Variants in ATXN10 observed in about 807,000 individuals in gnomAD.
ATXN10 encodes the protein ataxin-10.
Under a neutral mutation model 52.9 loss-of-function variants are expected in ATXN10, and 28 were observed. The ratio of observed to expected loss-of-function variants is 0.53; its 90% CI spans 0.39 to 0.73. ATXN10 has a LOEUF of 0.73. ATXN10 is among the 30% of genes least tolerant of loss of function. ATXN10 has a pLI of 0.00. For synonymous variants in ATXN10, 226 were observed against 221.5 expected, an observed-to-expected ratio of 1.02 and a Z score of -0.18; for missense variants, 565 against 577.0, an observed-to-expected ratio of 0.98 and a Z score of 0.21.
At chr22:45,700,004 G>A (rs370503828) in intron 3 of ATXN10, among the ~76,000 whole-genome samples, 2 of 151,838 alleles carry the variant, frequency 1.3e-5, no homozygotes, top group African/African-American at 4.8e-5. Flanking sequence ...TAGAGATGGG[G>A]TTTTGACATA....
intron 9 of ATXN10, among the ~76,000 whole-genome samples, chr22:45,764,434 A>G (rs996229186): frequency 6.6e-6 from 1 of 151,796 alleles, no homozygotes; most frequent in African/African-American, 2.4e-5. Context: ...TTGAGTCTCA[A>G]CTCTCAAAAG....
At chr22:45,706,580 T>C (rs1298101732) in intron 5 of ATXN10, among the ~76,000 whole-genome samples, 1 of 152,248 alleles carries the variant, frequency 6.6e-6, no homozygotes, top group Non-Finnish European at 1.5e-5. Flanking sequence ...TCCCATAATT[T>C]AGGATTCTGT....
rs905884909 is a variant in ATXN10, at chr22:45,823,879, G to C, written c.1237+16857G>C. ...TGGGCACACCCCCTGCTAGGCTTGGGGGCAGGCACTCAGGTCACCTGGGAG... is the reference window on the plus strand; with the variant it reads ...TGGGCACACCCCCTGCTAGGCTTGGCGGCAGGCACTCAGGTCACCTGGGAG... On this transcript the variant is annotated intron_variant, in intron 10 of 11. Coordinates refer to ENST00000252934, the MANE Select transcript of ATXN10 (RefSeq NM_013236.4). The surrounding 1 kb of genome is among the most constrained non-coding windows in gnomAD (Gnocchi z 4.9). 6.6e-6 allele frequency among the ~76,000 whole-genome samples: 1 copy of C among 152,204 alleles called. No homozygotes were observed. The highest frequency in any genetic ancestry group is 2.4e-5 in the African/African-American group (1 of 41,450).
At chr22:45,807,979 A>G (rs1018974040) in intron 10 of ATXN10, among the ~76,000 whole-genome samples, 1 of 152,254 alleles carries the variant, frequency 6.6e-6, no homozygotes, top group African/African-American at 2.4e-5. Flanking sequence ...CAAAGTAAGT[A>G]GACTGAGCGA....
At chr22:45,687,969 A>G (rs1204641511) in intron 1 of ATXN10, among the ~76,000 whole-genome samples, 1 of 152,176 alleles carries the variant, frequency 6.6e-6, no homozygotes, top group Non-Finnish European at 1.5e-5. Context: ...AGGCAGAAGA[A>G]TTGCTTGAAC....
rs768951421 is a variant in ATXN10, at chr22:45,738,781, G to T, written c.945G>T (p.Val315=). The T allele has an allele frequency of 6.2e-7, 1 of 1,614,162 alleles. No individual in the cohort carries two copies. The highest frequency in any genetic ancestry group is 1.7e-5 in the Admixed American group (1 of 60,026). ...TCGACGTCCTGTGCGAAATGACTGT[G>T]AATACTGAGCTGCTCGGCTATCTGC... is the stretch of plus-strand genomic sequence containing the variant. ...RLLDVLCEMT[V]NTELLGYLQV... The change falls in exon 8 of 12, where the codon GTG becomes GTT. Residue 315 remains valine (V), a synonymous_variant. Coordinates refer to ENST00000252934, the MANE Select transcript of ATXN10 (RefSeq NM_013236.4).
rs71315146 is a variant in ATXN10, at chr22:45,727,331, A to ATATC, written c.729-2052_729-2049dup. Among the ~76,000 whole-genome samples, 40,444 of 146,496 alleles carry ATATC rather than the reference A, an allele frequency of 0.28. 5,645 individuals carry two copies. Among genetic ancestry groups the ATATC allele is most frequent in the African/African-American group, 0.32 (12,684 of 39,252 alleles). The stretch of plus-strand genomic sequence containing the variant: ...GTTCTGTCTGTCTGTCTATCTATCT[A>ATATC]TATCTATCTATCTATCTATCTATCT... On this transcript the variant is annotated intron_variant, in intron 6 of 11. Coordinates refer to ENST00000252934, the MANE Select transcript of ATXN10 (RefSeq NM_013236.4). This position sits in a 1 kb window ranked among gnomAD's most constrained non-coding sequence, Gnocchi z 4.6.
rs1929420460 is a variant in ATXN10, at chr22:45,843,654, T to G, written c.1426-15T>G. ...TTTGCTACATCTGCAATTTTGTTTC[T>G]TTCTTCTTCTTTAGTGAATGAACTA... On this transcript the variant is annotated splice_polypyrimidine_tract_variant and intron_variant, in intron 11 of 11. Coordinates refer to ENST00000252934, the MANE Select transcript of ATXN10 (RefSeq NM_013236.4). This position sits in a 1 kb window ranked among gnomAD's most constrained non-coding sequence, Gnocchi z 4.5. The G allele has an allele frequency of 6.2e-7, 1 of 1,611,752 alleles. No homozygotes were observed.
chr22:45,821,344 C>G (rs73441928), intron 10 of ATXN10, among the ~76,000 whole-genome samples: 1,291 of 124,740 alleles, frequency 0.01, 13 homozygotes, highest in African/African-American at 0.035. Context: ...AGACCCGTCT[C>G]TTTAAAAAAA....
intron 5 of ATXN10, chr22:45,703,903 C>A (rs578175330): frequency 6.6e-6 from 1 of 152,422 alleles, no homozygotes; most frequent in Admixed American, 6.5e-5. Context: ...AGGATACAGC[C>A]TCAGAAGCCT....
intron 6 of ATXN10, among the ~76,000 whole-genome samples, chr22:45,726,901 C>T (rs993252505): frequency 2.6e-5 from 4 of 152,138 alleles, no homozygotes; most frequent in African/African-American, 9.7e-5. Flanking sequence ...GGGCTGGTCT[C>T]AAACTTTTGG....
intron 10 of ATXN10, among the ~76,000 whole-genome samples, chr22:45,817,852 C>T (rs1305545485): frequency 6.6e-6 from 1 of 152,014 alleles, no homozygotes; most frequent in East Asian, 1.9e-4. Context: ...AAGAGCAGCC[C>T]ACCGCCACCA....
At chr22:45,747,875 G>A (rs1033902501) in intron 9 of ATXN10, among the ~76,000 whole-genome samples, 1 of 152,212 alleles carries the variant, frequency 6.6e-6, no homozygotes, top group Admixed American at 6.5e-5. Context: ...GAGCCCAGGA[G>A]TTTGAGAGCA....
At chr22:45,689,978 A>G in intron 2 of ATXN10, 75 bp downstream of exon 2, 1 of 1,539,292 alleles carries the variant, frequency 6.5e-7, no homozygotes, top group South Asian at 1.1e-5. Context: ...TTTATCTGTT[A>G]GAAGTTGTTT....
rs1286940936 is a variant in ATXN10 at position 45,732,201 on chromosome 22, C to A, written c.894+2611C>A. 6.6e-6 allele frequency among the ~76,000 whole-genome samples: 1 copy of A among 151,956 alleles called. No homozygotes were observed. Among genetic ancestry groups the A allele is most frequent in the Non-Finnish European group, 1.5e-5 (1 of 67,998 alleles). ...GAACAGTGGCTCATGCCCGTAATCC[C>A]AATACTTTGGGACGCCAAGGCGTGG... On this transcript the variant is annotated intron_variant, in intron 7 of 11. Transcript: ENST00000252934. The surrounding 1 kb of genome is among the most constrained non-coding windows in gnomAD (Gnocchi z 4.5).
rs1202131487 is a variant in ATXN10 at position 45,840,975 on chromosome 22, A to G, written c.1238-2016A>G. ...AAAAGGTGAGAAAATGAGTTTGTGTATCGACAGTGACATCCTGGGTGTGAA... is the reference window on the plus strand; with the variant it reads ...AAAAGGTGAGAAAATGAGTTTGTGTGTCGACAGTGACATCCTGGGTGTGAA... On this transcript the variant is annotated intron_variant, in intron 10 of 11. Transcript: ENST00000252934. This position sits in a 1 kb window ranked among gnomAD's most constrained non-coding sequence, Gnocchi z 5.8. 6.6e-6 allele frequency among the ~76,000 whole-genome samples: 1 copy of G among 152,174 alleles called. No homozygotes were observed. Among genetic ancestry groups the G allele is most frequent in the Non-Finnish European group, 1.5e-5 (1 of 68,022 alleles).
intron 6 of ATXN10, among the ~76,000 whole-genome samples, chr22:45,722,024 C>G (rs763516039): frequency 2.6e-5 from 4 of 152,136 alleles, no homozygotes; most frequent in Non-Finnish European, 5.9e-5. Flanking sequence ...CTAATGACAG[C>G]CAGTGATTGA....
chr22:45,702,210 A>T (rs1569028688), intron 4 of ATXN10, among the ~76,000 whole-genome samples: 1 of 152,230 alleles, frequency 6.6e-6, no homozygotes, highest in East Asian at 1.9e-4. Context: ...TCCCCAGGTC[A>T]CCTGGCTGAT....
intron 9 of ATXN10, among the ~76,000 whole-genome samples, chr22:45,773,091 G>A (rs1926830588): frequency 6.6e-6 from 1 of 152,184 alleles, no homozygotes; most frequent in Non-Finnish European, 1.5e-5. Flanking sequence ...TATAACATGT[G>A]GTGGGGGAGC....
Sources: allele counts gnomAD v4.1 joint callset (sites outside exome capture counted in the v4.1 genomes callset), GRCh38; gene constraint gnomAD v4.1.1; non-coding constraint Gnocchi (gnomAD v3.1); transcripts MANE v1.5; gene names NCBI Gene and HGNC (gene_info 2026-07-23, HGNC 2026-07-21).